Variants in NLRP6 observed in about 807,000 individuals in gnomAD.
NLRP6 encodes NLR family pyrin domain containing 6, also known as NACHT, LRR and PYD domains-containing protein 6.
A neutral mutation model predicts 70.9 loss-of-function variants in NLRP6; 55 were observed. The observed-to-expected ratio is 0.78, with a 90% CI of 0.62 to 0.97. NLRP6 has a LOEUF of 0.97. Ranked by LOEUF, NLRP6 falls within the 50% of genes least tolerant of loss-of-function variation. NLRP6 has a pLI of 0.00. For missense variants in NLRP6, 1,241 were observed against 1,238.3 expected (o/e 1.00, Z -0.03); for synonymous variants, 652 against 581.9 (o/e 1.12, Z -1.73).
Position 280,600 on chromosome 11 carries a change from G to T in NLRP6, c.866G>T (p.Gly289Val). 1.4e-6 allele frequency: 2 copies of T among 1,444,276 alleles called. No individual in the cohort carries two copies. Among genetic ancestry groups the T allele is most frequent in the Non-Finnish European group, 1.8e-6 (2 of 1,111,852 alleles). 89.5% of individuals were successfully genotyped at this position (1,444,276 alleles called of 1,614,324 possible). ...DGADELPALG[G>V]PEAAPCTDPF... ...GCGGACGAGCTGCCGGCGCTGGGGGGCCCCGAGGCCGCGCCCTGCACAGAC... is the reference window on the plus strand; with the variant it reads ...GCGGACGAGCTGCCGGCGCTGGGGGTCCCCGAGGCCGCGCCCTGCACAGAC... Residue 289 changes from glycine to valine, a missense_variant, in exon 4 of 8, where the codon GGC (glycine) becomes GTC (valine). Physicochemically the swap from Gly to Val is moderately radical, Grantham distance 109. Coordinates refer to ENST00000534750, the MANE Select transcript of NLRP6 (RefSeq NM_001276700.2).
Position 278,587 on chromosome 11 carries a change from C to T in NLRP6, c.18C>T (p.Ala6=), listed in dbSNP as rs201563236. 8.2e-6 allele frequency: 13 copies of T among 1,590,440 alleles called. No individual in the cohort carries two copies. The highest frequency in any genetic ancestry group is 2.4e-5 in the East Asian group (1 of 41,814). Reference sequence around the variant, plus strand: ...GAGACCCCATGGACCAGCCAGAGGCCCCCTGCTCCAGGTGAGTGCTGGCCC... The same window carrying T: ...GAGACCCCATGGACCAGCCAGAGGCTCCCTGCTCCAGGTGAGTGCTGGCCC... MDQPE[A]PCSSTGPRLA... is the part of the protein sequence containing the mutation. Residue 6 remains alanine, a synonymous_variant, in exon 1 of 8, where the codon GCC becomes GCT. Coordinates refer to ENST00000534750, the MANE Select transcript of NLRP6 (RefSeq NM_001276700.2). The surrounding 1 kb of genome is among the most constrained non-coding windows in gnomAD (Gnocchi z 4.7).
intron 5 of NLRP6, among the ~76,000 whole-genome samples, chr11:283,226 G>A (rs1008093411): frequency 4.6e-5 from 7 of 151,984 alleles, no homozygotes; most frequent in Non-Finnish European, 1.0e-4. Context: ...CCATCTGTCC[G>A]AGCTTCCATT....
In NLRP6 at chr11:279,888, G is replaced by T; in HGVS notation, c.349+16G>T. The T allele has an allele frequency of 6.6e-7, 1 of 1,525,322 alleles. No individual in the cohort carries two copies. Among genetic ancestry groups the T allele is most frequent in the Non-Finnish European group, 8.8e-7 (1 of 1,140,308 alleles). The allele number at this position is 1,525,322 out of a possible 1,614,324, so 94.5% of individuals were successfully genotyped here. ...TCCGTGTCCGGTGGGTCTCTCGCTG[G>T]GGGGGCACGAGTGTCCCCAACCCCA... On this transcript the variant is annotated intron_variant, in intron 3 of 7. Transcript: ENST00000534750.
At chr11:279,727 G>C in intron 2 of NLRP6, 107 bp from the exon 3 acceptor site, 1 of 1,345,650 alleles carries the variant, frequency 7.4e-7, no homozygotes, top group South Asian at 1.6e-5. Flanking sequence ...ACAAATTCGC[G>C]GGCCCCAGGG....
chr11:284,713 G>A (rs1380235632), intron 7 of NLRP6, 71 bp downstream of exon 7: 6 of 1,442,740 alleles, frequency 4.2e-6, no homozygotes, highest in Non-Finnish European at 5.6e-6. Flanking sequence ...GTGCCTGGGG[G>A]CTCCCCCTGG....
chr11:285,382 G>A lies in NLRP6; in HGVS notation c.*78G>A, dbSNP rs1035923240. The A allele has an allele frequency of 4.7e-6, 7 of 1,476,246 alleles. No individual in the cohort carries two copies. The highest frequency in any genetic ancestry group is 6.5e-6 in the Non-Finnish European group (7 of 1,079,524). 91.4% of individuals were successfully genotyped at this position (1,476,246 alleles called of 1,614,324 possible). ...AGAACGGCCCATTCCAAGGGCAGGA[G>A]GATATTGCTCTCGGCCTTTGGGAAA... is the stretch of plus-strand genomic sequence containing the variant. On this transcript the variant is annotated 3_prime_UTR_variant, in exon 8 of 8. Transcript: ENST00000534750.
Position 278,721 on chromosome 11 carries a change from T to A in NLRP6, c.29+123T>A, listed in dbSNP as rs375377798. ...GTCCACATCCTTCCCCCACCCTCAC[T>A]CCCAGGCTCAGGAGCCAAGCACTGC... On this transcript the variant is annotated intron_variant, in intron 1 of 7. Transcript: ENST00000534750. The surrounding 1 kb of genome is among the most constrained non-coding windows in gnomAD (Gnocchi z 4.7). The A allele has an allele frequency of 1.5e-6, 1 of 669,294 alleles. No homozygotes were observed. The highest frequency in any genetic ancestry group is 2.6e-5 in the South Asian group (1 of 37,892). The allele number at this position is 669,294 out of a possible 1,614,324, so 41.5% of individuals were successfully genotyped here.
At chr11:279,994 G>C in intron 3 of NLRP6, 90 bp from the exon 4 acceptor site, 1 of 1,416,420 alleles carries the variant, frequency 7.1e-7, no homozygotes, top group South Asian at 1.5e-5. Flanking sequence ...ACTGAGGCCT[G>C]AGCAGGGCCG....
chr11:279,883 C>A lies in NLRP6; in HGVS notation c.349+11C>A. 6.5e-7 allele frequency: 1 copy of A among 1,530,284 alleles called. No homozygotes were observed. The highest frequency in any genetic ancestry group is 8.8e-7 in the Non-Finnish European group (1 of 1,142,410). The allele number at this position is 1,530,284 out of a possible 1,614,324, so 94.8% of individuals were successfully genotyped here. On this transcript the variant is annotated intron_variant, in intron 3 of 7. Transcript: ENST00000534750. ...TGCTCTCCGTGTCCGGTGGGTCTCT[C>A]GCTGGGGGGGCACGAGTGTCCCCAA...
In NLRP6 at chr11:284,238, A is replaced by G. The variant is rs1465155106; in HGVS notation, c.2207A>G (p.His736Arg). 11 of 1,613,130 alleles carry G rather than the reference A, an allele frequency of 6.8e-6. 1 individual carries two copies. In the African/African-American group the frequency reaches 1.5e-4, roughly 22 times the overall value. ...LCHLSSLTLSHCKLPDAVCRD... is the reference protein window; with the variant it reads ...LCHLSSLTLSRCKLPDAVCRD... ...GTGCTTCTTGACCACAGGCTGTCCCACTGCAAACTCCCTGACGCGGTCTGC... is the reference window on the plus strand; with the variant it reads ...GTGCTTCTTGACCACAGGCTGTCCCGCTGCAAACTCCCTGACGCGGTCTGC... The change falls in exon 6 of 8, where the codon CAC becomes CGC. Residue 736 changes from histidine (H) to arginine (R), a missense_variant. Coordinates refer to ENST00000534750, the MANE Select transcript of NLRP6 (RefSeq NM_001276700.2).
chr11:284,129 A>G, intron 5 of NLRP6, 101 bp from the exon 6 acceptor site: 1 of 1,059,674 alleles, frequency 9.4e-7, no homozygotes, highest in Non-Finnish European at 1.4e-6. Flanking sequence ...CACATCTCTC[A>G]GCTGAACCCT....
At position 280,621 on chromosome 11, in the gene NLRP6, C is replaced by T; in HGVS notation, c.887C>T (p.Thr296Ile). 6.7e-7 allele frequency: 1 copy of T among 1,496,366 alleles called. No homozygotes were observed. Among genetic ancestry groups the T allele is most frequent in the Non-Finnish European group, 8.8e-7 (1 of 1,132,492 alleles). The allele number at this position is 1,496,366 out of a possible 1,614,324, so 92.7% of individuals were successfully genotyped here. ...ALGGPEAAPC[T>I]DPFEAASGAR... The stretch of plus-strand genomic sequence containing the variant: ...GGGGGCCCCGAGGCCGCGCCCTGCA[C>T]AGACCCCTTCGAGGCGGCGAGCGGC... Residue 296 changes from threonine to isoleucine, a missense_variant, in exon 4 of 8, where the codon ACA (threonine) becomes ATA (isoleucine). By Grantham distance (89) the Thr-to-Ile change is moderately conservative. Coordinates refer to ENST00000534750, the MANE Select transcript of NLRP6 (RefSeq NM_001276700.2).
Position 279,466 on chromosome 11 carries a change from G to C in NLRP6, c.169G>C (p.Glu57Gln). 2 of 1,418,706 alleles carry C rather than the reference G, an allele frequency of 1.4e-6. No homozygotes were observed. Among genetic ancestry groups the C allele is most frequent in the Non-Finnish European group, 1.8e-6 (2 of 1,088,150 alleles). 87.9% of individuals were successfully genotyped at this position (1,418,706 alleles called of 1,614,324 possible). ...DGRSIPWGRL[E>Q]RADAVDLAEQ... Reference sequence around the variant, plus strand: ...ACGCAGCATCCCGTGGGGGCGGCTGGAGCGCGCGGACGCCGTGGACCTCGC... The same window carrying C: ...ACGCAGCATCCCGTGGGGGCGGCTGCAGCGCGCGGACGCCGTGGACCTCGC... Residue 57 changes from glutamate (E) to glutamine (Q), a missense_variant, in exon 2 of 8, where the codon GAG becomes CAG. Physicochemically the swap from Glu to Gln is conservative, Grantham distance 29. Transcript: ENST00000534750.
In NLRP6 at chr11:284,264, C is replaced by G. The variant is rs143910450; in HGVS notation, c.2233C>G (p.Arg745Gly). The change falls in exon 6 of 8, where the codon CGA (arginine) becomes GGA (glycine). Residue 745 changes from arginine to glycine, a missense_variant. Transcript: ENST00000534750. ...SHCKLPDAVC[R>G]DLSEALRAAP... ...CTGCAAACTCCCTGACGCGGTCTGC[C>G]GAGACCTTTCTGAGGCCCTGAGGGC... 1.2e-6 allele frequency: 2 copies of G among 1,613,212 alleles called. No individual in the cohort carries two copies. Among genetic ancestry groups the G allele is most frequent in the East Asian group, 2.2e-5 (1 of 44,886 alleles).
chr11:284,960 T>C (rs1436689047), intron 7 of NLRP6, among the ~76,000 whole-genome samples: 1 of 149,242 alleles, frequency 6.7e-6, no homozygotes, highest in Non-Finnish European at 1.5e-5. Flanking sequence ...TCCCCCAGCC[T>C]CTGACAAACC....
At position 285,286 on chromosome 11, in the gene NLRP6, A is replaced by G. The variant is rs923617455; in HGVS notation, c.2658A>G (p.Glu886=). The G allele has an allele frequency of 5.6e-6, 9 of 1,609,398 alleles. No homozygotes were observed. Among genetic ancestry groups the G allele is most frequent in the Non-Finnish European group, 7.6e-6 (9 of 1,177,700 alleles). The part of the protein sequence containing the change: ...ALDGHPQPPK[E]LISTF ...ACGGCCACCCACAACCTCCCAAGGA[A>G]CTCATCTCGACCTTCTGAGGCTCTG... Residue 886 remains glutamate, a synonymous_variant, in exon 8 of 8, where the codon GAA becomes GAG. Coordinates refer to ENST00000534750, the MANE Select transcript of NLRP6 (RefSeq NM_001276700.2).
Position 279,830 on chromosome 11 carries a change from C to A in NLRP6, c.311-4C>A. The A allele has an allele frequency of 6.3e-7, 1 of 1,581,532 alleles. No individual in the cohort carries two copies. Among genetic ancestry groups the A allele is most frequent in the Middle Eastern group, 1.7e-4 (1 of 5,886 alleles). On this transcript the variant is annotated splice_polypyrimidine_tract_variant and splice_region_variant and intron_variant, in intron 2 of 7. Coordinates refer to ENST00000534750, the MANE Select transcript of NLRP6 (RefSeq NM_001276700.2). Reference sequence around the variant, plus strand: ...GCGGAACCTCACCCCAGTTTCCCTTCCAGGGCTCGGGCTCGGCTCCGGGAC... The same window carrying A: ...GCGGAACCTCACCCCAGTTTCCCTTACAGGGCTCGGGCTCGGCTCCGGGAC...
intron 2 of NLRP6, 68 bp from the exon 3 acceptor site, chr11:279,766 C>T: frequency 2.0e-6 from 3 of 1,515,430 alleles, no homozygotes; most frequent in Non-Finnish European, 2.7e-6. Context: ...CTCAGGGTGA[C>T]TCGGACCCCC....
At chr11:279,802 T>A (rs1172622391) in intron 2 of NLRP6, 32 bp from the exon 3 acceptor site, 10 of 1,579,554 alleles carry the variant, frequency 6.3e-6, no homozygotes, top group Non-Finnish European at 8.6e-6. Flanking sequence ...GTTCCCGCCC[T>A]CGGCGGAACC....
Sources: gnomAD v4.1 joint callset for allele counts (sites outside exome capture counted in the v4.1 genomes callset) on GRCh38, gnomAD v4.1.1 for gene constraint, Gnocchi (gnomAD v3.1) non-coding constraint, MANE v1.5 for transcripts, NCBI Gene and HGNC (gene_info 2026-07-23, HGNC 2026-07-21) for gene names.